ZMAT4: variants seen among roughly 807,000 people sequenced by gnomAD.
ZMAT4 encodes zinc finger matrin-type protein 4.
In ZMAT4, 17 loss-of-function variants were observed where a neutral mutation model predicts 28.7. That is an observed-to-expected ratio of 0.59 (90% CI 0.41 to 0.89). ZMAT4 has a LOEUF of 0.89. Ranked by LOEUF, ZMAT4 falls within the 40% of genes least tolerant of loss-of-function variation. The probability of loss-of-function intolerance (pLI) is 0.00; values close to 1 mark genes in which losing one functional copy is unlikely to be tolerated. For missense variants in ZMAT4, 240 were observed against 283.8 expected, an observed-to-expected ratio of 0.85 and a Z score of 1.11; for synonymous variants, 117 against 109.2, an observed-to-expected ratio of 1.07 and a Z score of -0.44.
At chr8:40,845,564 A>T (rs925106785) in intron 1 of ZMAT4, among the ~76,000 whole-genome samples, 6 of 152,058 alleles carry the variant, frequency 3.9e-5, no homozygotes, top group African/African-American at 1.4e-4. Flanking sequence ...CTTCTGAAAA[A>T]AAAAATAACA....
In ZMAT4 at chr8:40,593,777, T is replaced by C. The variant is rs193292832; in HGVS notation, c.578-12516A>G. Among the ~76,000 whole-genome samples the C allele has an allele frequency of 7.9e-5, 12 of 152,324 alleles. No homozygotes were observed. In the East Asian group the frequency reaches 2.1e-3, roughly 27 times the overall value. ...TATTAAAACCAGATTACACTCTTTC[T>C]CTCTTACCCTCTCTGCCATTCACAT... On this transcript the variant is annotated intron_variant, in intron 5 of 6. Coordinates refer to ENST00000297737, the MANE Select transcript of ZMAT4 (RefSeq NM_024645.3).
At chr8:40,554,274 C>A (rs1246080734) in intron 6 of ZMAT4, among the ~76,000 whole-genome samples, 1 of 152,066 alleles carries the variant, frequency 6.6e-6, no homozygotes, top group Non-Finnish European at 1.5e-5. Flanking sequence ...AAGATTACCA[C>A]CAACTTCTGC....
intron 5 of ZMAT4, among the ~76,000 whole-genome samples, chr8:40,586,423 G>A (rs1008431528): frequency 6.6e-6 from 1 of 152,190 alleles, no homozygotes; most frequent in Admixed American, 6.5e-5. Context: ...AGACAATCCA[G>A]TTGGAGACAG....
intron 5 of ZMAT4, among the ~76,000 whole-genome samples, chr8:40,672,524 A>G (rs1020481835): frequency 2.0e-5 from 3 of 152,216 alleles, no homozygotes; most frequent in African/African-American, 7.2e-5. Context: ...ATCGAGTCAA[A>G]GCAGCCTTTT....
At chr8:40,592,763 T>C (rs980116658) in intron 5 of ZMAT4, among the ~76,000 whole-genome samples, 1 of 152,220 alleles carries the variant, frequency 6.6e-6, no homozygotes, top group African/African-American at 2.4e-5. Flanking sequence ...AGCTTGTTTA[T>C]TGGAAGATGG....
chr8:40,844,204 T>C lies in ZMAT4; in HGVS notation c.-4-18524A>G, dbSNP rs1024703949. ...CACATGTGATAGGTAATTTTATGTG[T>C]CAACTTGACTGGGCTAAGGGATGCC... On this transcript the variant is annotated intron_variant, in intron 1 of 6. Coordinates refer to ENST00000297737, the MANE Select transcript of ZMAT4 (RefSeq NM_024645.3). Among the ~76,000 whole-genome samples the C allele has an allele frequency of 3.9e-5, 6 of 152,202 alleles. No individual in the cohort carries two copies. In the East Asian group the frequency reaches 1.2e-3, roughly 29 times the overall value.
intron 1 of ZMAT4, among the ~76,000 whole-genome samples, chr8:40,862,985 A>G (rs1025615328): frequency 6.6e-6 from 1 of 150,704 alleles, no homozygotes; most frequent in Non-Finnish European, 1.5e-5. Context: ...AAAAAAAGAA[A>G]GAAAGAAAGA....
At chr8:40,562,952 T>C (rs545115676) in intron 6 of ZMAT4, among the ~76,000 whole-genome samples, 8 of 152,314 alleles carry the variant, frequency 5.3e-5, no homozygotes, top group South Asian at 2.1e-4. Flanking sequence ...TGTAAACATA[T>C]GTGTGTTTAT....
intron 6 of ZMAT4, among the ~76,000 whole-genome samples, chr8:40,575,320 G>C (rs867818631): frequency 6.6e-6 from 1 of 152,102 alleles, no homozygotes; most frequent in Admixed American, 6.5e-5. Context: ...CCCACCCCAA[G>C]AAGATACAGC....
At chr8:40,754,563 T>A (rs1812593998) in intron 3 of ZMAT4, among the ~76,000 whole-genome samples, 1 of 152,232 alleles carries the variant, frequency 6.6e-6, no homozygotes, top group Non-Finnish European at 1.5e-5. Flanking sequence ...TAAATTATTA[T>A]TTGTGTATTT....
intron 3 of ZMAT4, among the ~76,000 whole-genome samples, chr8:40,729,924 C>A (rs1438003624): frequency 6.6e-6 from 1 of 152,088 alleles, no homozygotes; most frequent in Non-Finnish European, 1.5e-5. Flanking sequence ...TTTAAAAAAA[C>A]AAAATTATTT....
At chr8:40,740,989 T>TGC (rs1195733328) in intron 3 of ZMAT4, among the ~76,000 whole-genome samples, 2 of 98,266 alleles carry the variant, frequency 2.0e-5, no homozygotes, top group South Asian at 3.6e-4. Context: ...CTTTGATAAA[T>TGC]GCGCACACAC....
At chr8:40,812,695 C>T (rs949893940) in intron 2 of ZMAT4, among the ~76,000 whole-genome samples, 1 of 152,148 alleles carries the variant, frequency 6.6e-6, no homozygotes, top group Admixed American at 6.5e-5. Context: ...CTTTGGGAGG[C>T]CGAGGCGGGC....
chr8:40,601,141 T>A (rs888742202), intron 5 of ZMAT4, among the ~76,000 whole-genome samples: 1 of 151,908 alleles, frequency 6.6e-6, no homozygotes, highest in Non-Finnish European at 1.5e-5. Context: ...TGATGCATCA[T>A]CAGGAACACT....
intron 2 of ZMAT4, among the ~76,000 whole-genome samples, chr8:40,820,247 TA>T (rs1815705207): frequency 7.3e-5 from 11 of 151,242 alleles, no homozygotes; most frequent in Admixed American, 4.6e-4. Flanking sequence ...CGTGTGCGCA[TA>T]TATGTGAGTA....
intron 3 of ZMAT4, among the ~76,000 whole-genome samples, chr8:40,750,626 A>C (rs1451449814): frequency 1.3e-5 from 2 of 152,240 alleles, no homozygotes; most frequent in East Asian, 3.8e-4. Context: ...CTAGCATGTT[A>C]ACCAAAGAAA....
At chr8:40,874,036 C>G (rs1000300661) in intron 1 of ZMAT4, among the ~76,000 whole-genome samples, 7 of 152,170 alleles carry the variant, frequency 4.6e-5, no homozygotes, top group Non-Finnish European at 8.8e-5. Flanking sequence ...GCATTTTCTC[C>G]TATCAGAGGT....
chr8:40,612,114 A>G (rs892394491), intron 5 of ZMAT4, among the ~76,000 whole-genome samples: 9 of 152,158 alleles, frequency 5.9e-5, no homozygotes, highest in Non-Finnish European at 1.2e-4. Context: ...TGAAGATAAT[A>G]CCTTTCACTT....
intron 2 of ZMAT4, among the ~76,000 whole-genome samples, chr8:40,800,601 T>C (rs1814793967): frequency 6.6e-6 from 1 of 152,090 alleles, no homozygotes; most frequent in African/African-American, 2.4e-5. Flanking sequence ...AACAGAAAGA[T>C]AGTTTAAAAA....
Sources: allele counts gnomAD v4.1 joint callset (sites outside exome capture counted in the v4.1 genomes callset), GRCh38; gene constraint gnomAD v4.1.1; transcripts MANE v1.5; gene names NCBI Gene and HGNC (gene_info 2026-07-23, HGNC 2026-07-21).